ERBIN: variants seen among roughly 807,000 people sequenced by gnomAD.
ERBIN encodes the protein erbb2 interacting protein.
Under a neutral mutation model 158.4 loss-of-function variants are expected in ERBIN, and 60 were observed. The ratio of observed to expected loss-of-function variants is 0.38; its 90% CI spans 0.31 to 0.47. ERBIN has a LOEUF of 0.47. ERBIN is among the 20% of genes least tolerant of loss of function. The pLI is 0.99. For synonymous variants in ERBIN, 594 were observed against 557.2 expected, an observed-to-expected ratio of 1.07 and a Z score of -0.93; for missense variants, 1,610 against 1,648.0, an observed-to-expected ratio of 0.98 and a Z score of 0.40.
At chr5:65,976,471 A>C (rs1337546882) in intron 1 of ERBIN, among the ~76,000 whole-genome samples, 1 of 151,448 alleles carries the variant, frequency 6.6e-6, no homozygotes, top group Non-Finnish European at 1.5e-5. Context: ...AGACTGTCTC[A>C]CCCCAAAAAA....
intron 2 of ERBIN, among the ~76,000 whole-genome samples, chr5:65,992,054 T>C (rs764686563): frequency 2.0e-5 from 3 of 152,176 alleles, no homozygotes; most frequent in Non-Finnish European, 4.4e-5. Context: ...TAATGAAGAC[T>C]CATAGAACTC....
chr5:65,983,502 G>A (rs2151021964), intron 1 of ERBIN, among the ~76,000 whole-genome samples: 1 of 151,734 alleles, frequency 6.6e-6, no homozygotes, highest in South Asian at 2.1e-4. Context: ...ATCAGTAAGG[G>A]GTTAATAATG....
At chr5:66,016,449 C>T (rs77147310) in intron 7 of ERBIN, among the ~76,000 whole-genome samples, 6,130 of 152,088 alleles carry the variant, frequency 0.04, 422 homozygotes, top group African/African-American at 0.14. Context: ...CTTTTTAATA[C>T]GTTTTTATTG....
intron 1 of ERBIN, among the ~76,000 whole-genome samples, chr5:65,957,389 G>C (rs910769335): frequency 1.3e-5 from 2 of 151,900 alleles, no homozygotes; most frequent in African/African-American, 4.8e-5. Context: ...TTGTATCCCT[G>C]GGTACTTGAG....
chr5:66,051,047 G>A, intron 20 of ERBIN, 81 bp downstream of exon 20: 1 of 855,426 alleles, frequency 1.2e-6, no homozygotes, highest in Non-Finnish European at 1.8e-6. Context: ...TAAATATATA[G>A]GGTTTAATAA....
intron 1 of ERBIN, among the ~76,000 whole-genome samples, chr5:65,986,595 T>C (rs1751263538): frequency 6.6e-6 from 1 of 152,256 alleles, no homozygotes. Context: ...TTACTCTCAG[T>C]TTTTAAGAAA....
At chr5:66,004,379 C>CGT (rs200125077) in intron 4 of ERBIN, among the ~76,000 whole-genome samples, 16 of 151,928 alleles carry the variant, frequency 1.1e-4, no homozygotes, top group South Asian at 6.2e-4. Flanking sequence ...TCTGTGTGTG[C>CGT]GTGTGTGTGT....
intron 21 of ERBIN, among the ~76,000 whole-genome samples, chr5:66,062,213 C>T (rs566669564): frequency 5.2e-4 from 79 of 152,272 alleles, no homozygotes; most frequent in Admixed American, 1.5e-3. Context: ...TCACATAGTC[C>T]CATATTTCTT....
At chr5:65,994,340 C>T (rs2151053592) in intron 3 of ERBIN, among the ~76,000 whole-genome samples, 1 of 152,276 alleles carries the variant, frequency 6.6e-6, no homozygotes, top group Admixed American at 6.5e-5. Context: ...GTGCGAATAA[C>T]TGAATCATTT....
intron 2 of ERBIN, among the ~76,000 whole-genome samples, chr5:65,990,104 A>G (rs1450938001): frequency 6.6e-6 from 1 of 152,240 alleles, no homozygotes; most frequent in Non-Finnish European, 1.5e-5. Context: ...TTTTAGATGG[A>G]AACATTTAAT....
intron 1 of ERBIN, among the ~76,000 whole-genome samples, chr5:65,980,448 A>G (rs1205298215): frequency 1.3e-5 from 2 of 152,186 alleles, no homozygotes; most frequent in Non-Finnish European, 2.9e-5. Context: ...AAAACAAAGC[A>G]AAAATAAATA....
chr5:65,974,374 T>C (rs977633340), intron 1 of ERBIN, among the ~76,000 whole-genome samples: 1 of 152,208 alleles, frequency 6.6e-6, no homozygotes, highest in Non-Finnish European at 1.5e-5. Flanking sequence ...AAAGCAAGCA[T>C]AGGTTGGTAG....
intron 1 of ERBIN, among the ~76,000 whole-genome samples, chr5:65,945,793 T>C (rs977156821): frequency 1.3e-5 from 2 of 152,234 alleles, no homozygotes; most frequent in Admixed American, 6.5e-5. Flanking sequence ...TAAGTTTTTA[T>C]TTTGAGATAA....
chr5:65,973,830 GT>G (rs1749554218), intron 1 of ERBIN, among the ~76,000 whole-genome samples: 1 of 151,230 alleles, frequency 6.6e-6, no homozygotes, highest in Non-Finnish European at 1.5e-5. Context: ...TGTTTTTTAG[GT>G]TTTTAAAGGG....
chr5:65,994,374 T>C (rs1310459732), intron 3 of ERBIN, among the ~76,000 whole-genome samples: 1 of 152,192 alleles, frequency 6.6e-6, no homozygotes, highest in African/African-American at 2.4e-5. Context: ...CCTAACACTT[T>C]TACATTTTTA....
chr5:66,054,521 C>T lies in ERBIN; in HGVS notation c.3203C>T (p.Ala1068Val), dbSNP rs1410610057. ...TCACCAAACGACCGACTTATTCCTG[C>T]AGTAACTCGAAGTACAATCCAGCGA... ...AISPNDRLIP[A>V]VTRSTIQRQS... is the part of the protein sequence containing the mutation. The change falls in exon 21 of 26, where the codon GCA becomes GTA. Residue 1068 changes from alanine to valine, a missense_variant. Ala to Val is a moderately conservative substitution (Grantham distance 64, BLOSUM62 0). Transcript: ENST00000284037. 2 of 1,614,092 alleles carry T rather than the reference C, an allele frequency of 1.2e-6. No homozygotes were observed. Among genetic ancestry groups the T allele is most frequent in the Non-Finnish European group, 1.7e-6 (2 of 1,180,034 alleles).
intron 1 of ERBIN, among the ~76,000 whole-genome samples, chr5:65,963,787 CTTTTCT>C (rs1017011043): frequency 9.8e-5 from 12 of 122,254 alleles, no homozygotes; most frequent in Admixed American, 5.5e-4. Context: ...TATTTTCTTT[CTTTTCT>C]TTTTTTTTTT....
chr5:66,037,368 A>G (rs1757497257), intron 14 of ERBIN, among the ~76,000 whole-genome samples: 1 of 152,194 alleles, frequency 6.6e-6, no homozygotes. Context: ...ATGATGTCAC[A>G]GCATTGTAAG....
At chr5:65,985,976 TTGGAG>T in intron 1 of ERBIN, among the ~76,000 whole-genome samples, 1 of 152,154 alleles carries the variant, frequency 6.6e-6, no homozygotes, top group Non-Finnish European at 1.5e-5. Context: ...ACTTTTTCTC[TTGGAG>T]TGGGGTGTTT....
Sources: gnomAD v4.1 joint callset for allele counts (sites outside exome capture counted in the v4.1 genomes callset) on GRCh38, gnomAD v4.1.1 for gene constraint, MANE v1.5 for transcripts, NCBI Gene and HGNC (gene_info 2026-07-23, HGNC 2026-07-21) for gene names.